Variants in FAM81A observed in about 807,000 individuals in gnomAD.
The protein encoded by FAM81A is protein FAM81A.
In FAM81A, 19 loss-of-function variants were observed where a neutral mutation model predicts 46.7. That is an observed-to-expected ratio of 0.41 (90% confidence interval 0.28 to 0.60). The LOEUF is 0.60. FAM81A is among the 20% of genes least tolerant of loss of function. The probability of loss-of-function intolerance (pLI) is 0.34; values close to 1 mark genes in which losing one functional copy is unlikely to be tolerated. For missense variants in FAM81A, 377 were observed against 453.5 expected, an observed-to-expected ratio of 0.83 and a Z score of 1.53; for synonymous variants, 183 against 152.9, an observed-to-expected ratio of 1.20 and a Z score of -1.45.
upstream of FAM81A, among the ~76,000 whole-genome samples, chr15:59,435,037 C>T (rs1461560901): frequency 6.6e-6 from 1 of 152,194 alleles, no homozygotes; most frequent in African/African-American, 2.4e-5. Context: ...GCCTGTAATC[C>T]CAGCACTTTG....
chr15:59,423,406 GTAT>G (rs1200737338), intron 2 of FAM81A, among the ~76,000 whole-genome samples: 9 of 152,276 alleles, frequency 5.9e-5, no homozygotes, highest in Middle Eastern at 3.4e-3. Flanking sequence ...TCTGAAATGA[GTAT>G]TATTATTAAC....
intron 6 of FAM81A, among the ~76,000 whole-genome samples, chr15:59,511,487 A>G (rs1183847155): frequency 1.3e-5 from 2 of 152,198 alleles, no homozygotes; most frequent in Non-Finnish European, 2.9e-5. Context: ...GATGTGGGGA[A>G]CAGGACCTCT....
At chr15:59,400,760 T>C (rs745392681) in intron 1 of FAM81A, among the ~76,000 whole-genome samples, 10 of 152,242 alleles carry the variant, frequency 6.6e-5, no homozygotes, top group Non-Finnish European at 1.5e-4. Flanking sequence ...CTGTTGTCAG[T>C]GCCGGTTGCT....
intron 1 of FAM81A, among the ~76,000 whole-genome samples, chr15:59,457,814 G>C (rs778299939): frequency 6.6e-6 from 1 of 152,198 alleles, no homozygotes; most frequent in African/African-American, 2.4e-5. Context: ...TATGGAATCA[G>C]ATCATAGTTA....
chr15:59,423,013 A>G (rs2081180703), intron 2 of FAM81A, among the ~76,000 whole-genome samples: 1 of 152,206 alleles, frequency 6.6e-6, no homozygotes, highest in African/African-American at 2.4e-5. Context: ...TGGAATGCTT[A>G]CTACATGTGA....
intron 2 of FAM81A, among the ~76,000 whole-genome samples, chr15:59,430,281 T>A (rs1346006050): frequency 7.1e-6 from 1 of 140,236 alleles, no homozygotes; most frequent in East Asian, 2.0e-4. Context: ...TTTTTTTTTT[T>A]TGAGATGGAG....
chr15:59,428,107 G>A (rs928500739), intron 2 of FAM81A, among the ~76,000 whole-genome samples: 10 of 152,204 alleles, frequency 6.6e-5, no homozygotes, highest in Admixed American at 6.5e-5. Context: ...TAACTCGGGT[G>A]AGATGATGTC....
intron 2 of FAM81A, among the ~76,000 whole-genome samples, chr15:59,417,048 G>T (rs2081149774): frequency 6.6e-6 from 1 of 152,122 alleles, no homozygotes; most frequent in African/African-American, 2.4e-5. Flanking sequence ...TGGGGGCTGG[G>T]GTAGGGGGAG....
At chr15:59,472,007 C>T (rs1004762803) in intron 3 of FAM81A, among the ~76,000 whole-genome samples, 2 of 152,100 alleles carry the variant, frequency 1.3e-5, no homozygotes, top group Admixed American at 1.3e-4. Flanking sequence ...GGTATCCATT[C>T]CAGATTTCTT....
At chr15:59,435,143 T>A (rs2081237634), upstream of FAM81A, among the ~76,000 whole-genome samples, 1 of 152,026 alleles carries the variant, frequency 6.6e-6, no homozygotes, top group Admixed American at 6.6e-5. Context: ...AAAAATTAGC[T>A]GGGCGTGGTG....
chr15:59,449,958 G>A (rs1389028914), intron 1 of FAM81A, among the ~76,000 whole-genome samples: 2 of 150,250 alleles, frequency 1.3e-5, no homozygotes, highest in Non-Finnish European at 3.0e-5. Flanking sequence ...ATCTCACGCT[G>A]TTGCCCAGGC....
rs1020414352 is a variant in FAM81A, at chr15:59,492,502, G to A, written c.413+113G>A. The A allele has an allele frequency of 6.3e-6, 5 of 790,210 alleles. No homozygotes were observed. The African/African-American group carries it at 8.6e-5, about 14-fold the overall frequency. 48.9% of individuals were successfully genotyped at this position (790,210 alleles called of 1,614,324 possible). ...AAAGCAAATGGCTTGCATTCCTTTA[G>A]TACATTCCCTCCCTGCTTTGGCCAT... On this transcript the variant is annotated intron_variant, in intron 4 of 8. Coordinates refer to ENST00000288228, the MANE Select transcript of FAM81A (RefSeq NM_152450.3).
intron 3 of FAM81A, among the ~76,000 whole-genome samples, chr15:59,478,620 G>T (rs887563581): frequency 1.3e-5 from 2 of 152,168 alleles, no homozygotes; most frequent in East Asian, 1.9e-4. Context: ...GTATATCAGC[G>T]GAGGGGTTTT....
At chr15:59,442,824 C>T (rs1448390862) in intron 1 of FAM81A, among the ~76,000 whole-genome samples, 1 of 152,098 alleles carries the variant, frequency 6.6e-6, no homozygotes, top group African/African-American at 2.4e-5. Flanking sequence ...TGTATGAACA[C>T]ACATATGTAT....
chr15:59,481,642 T>C (rs192039190), intron 3 of FAM81A, among the ~76,000 whole-genome samples: 43 of 152,254 alleles, frequency 2.8e-4, no homozygotes, highest in African/African-American at 9.6e-4. Context: ...TCCATAATAA[T>C]GTACCTTGTG....
chr15:59,416,645 C>A (rs1025993847), intron 2 of FAM81A, among the ~76,000 whole-genome samples: 1 of 151,986 alleles, frequency 6.6e-6, no homozygotes, highest in Non-Finnish European at 1.5e-5. Context: ...AACATCTTGC[C>A]GTCTCTTTCC....
At chr15:59,398,564 G>C (rs1293980584) in intron 1 of FAM81A, among the ~76,000 whole-genome samples, 1 of 151,166 alleles carries the variant, frequency 6.6e-6, no homozygotes, top group Non-Finnish European at 1.5e-5. Context: ...TTCGAGACTA[G>C]CCTGACCAAC....
intron 3 of FAM81A, among the ~76,000 whole-genome samples, chr15:59,474,203 T>A (rs2081736524): frequency 6.6e-6 from 1 of 152,236 alleles, no homozygotes. Context: ...AACCTTGTCT[T>A]CCTCATCTTT....
At chr15:59,463,353 A>G (rs181308399) in intron 3 of FAM81A, among the ~76,000 whole-genome samples, 276 of 152,266 alleles carry the variant, frequency 1.8e-3, no homozygotes, top group African/African-American at 6.6e-3. Context: ...TCAATGCCAC[A>G]TTGTCTTGAT....
Sources: gnomAD v4.1 joint callset for allele counts (sites outside exome capture counted in the v4.1 genomes callset) on GRCh38, gnomAD v4.1.1 for gene constraint, MANE v1.5 for transcripts, NCBI Gene and HGNC (gene_info 2026-07-23, HGNC 2026-07-21) for gene names.